MRPS9: variants seen among roughly 807,000 people sequenced by gnomAD.
MRPS9 encodes small ribosomal subunit protein uS9m.
MRPS9 carries 45 observed loss-of-function variants against 59.9 expected under a neutral mutation model. That is an observed-to-expected ratio of 0.75 (90% CI 0.59 to 0.96). The LOEUF (loss-of-function observed/expected upper bound fraction) is 0.96. Among genes scored for constraint, MRPS9 ranks in the 40% least tolerant of loss-of-function variants. MRPS9 has a pLI of 0.00. For synonymous variants in MRPS9, 171 were observed against 166.8 expected (o/e 1.03, Z -0.19); for missense variants, 473 against 481.1 (o/e 0.98, Z 0.16).
At chr2:105,068,461 G>A (rs1032527776) in intron 2 of MRPS9, among the ~76,000 whole-genome samples, 1 of 152,060 alleles carries the variant, frequency 6.6e-6, no homozygotes, top group African/African-American at 2.4e-5. Context: ...TTATTTTGTT[G>A]TTGTTATTTG....
At chr2:105,063,946 T>G (rs988455578) in intron 2 of MRPS9, among the ~76,000 whole-genome samples, 1 of 152,136 alleles carries the variant, frequency 6.6e-6, no homozygotes, top group Non-Finnish European at 1.5e-5. Context: ...AATCAAAGAT[T>G]TGGCAACAGC....
chr2:105,094,957 C>T (rs1680627786), intron 9 of MRPS9, among the ~76,000 whole-genome samples: 1 of 152,178 alleles, frequency 6.6e-6, no homozygotes, highest in Non-Finnish European at 1.5e-5. Flanking sequence ...CTAAGGACAT[C>T]TATGTCTCCA....
intron 4 of MRPS9, 52 bp from the exon 5 acceptor site, chr2:105,079,931 G>A: frequency 7.6e-7 from 1 of 1,308,260 alleles, no homozygotes; most frequent in South Asian, 1.3e-5. Context: ...CAGCTATTTG[G>A]TCTGTCTCTG....
chr2:105,062,866 T>A (rs527743019), intron 2 of MRPS9, among the ~76,000 whole-genome samples: 2 of 152,356 alleles, frequency 1.3e-5, no homozygotes, highest in South Asian at 4.1e-4. Context: ...GAAGTTCTAC[T>A]GGACATGTTA....
In MRPS9 at chr2:105,089,905, G is replaced by A. The variant is rs1680523489; in HGVS notation, c.576-15G>A. The A allele has an allele frequency of 1.3e-6, 2 of 1,566,752 alleles. No individual in the cohort carries two copies. Among genetic ancestry groups the A allele is most frequent in the African/African-American group, 1.4e-5 (1 of 73,612 alleles). ...ATGGCTAATTAAAAAGAGAATATATGTGATATTTTAACAGAGACGTGATTG... is the reference window on the plus strand; with the variant it reads ...ATGGCTAATTAAAAAGAGAATATATATGATATTTTAACAGAGACGTGATTG... On this transcript the variant is annotated splice_polypyrimidine_tract_variant and intron_variant, in intron 6 of 10. Transcript: ENST00000258455.
chr2:105,080,743 T>C (rs1680313178), intron 5 of MRPS9, among the ~76,000 whole-genome samples: 1 of 152,238 alleles, frequency 6.6e-6, no homozygotes, highest in African/African-American at 2.4e-5. Flanking sequence ...TATGATTTTT[T>C]AAAGTTTCAA....
chr2:105,055,477 G>A (rs1679774593), intron 2 of MRPS9, among the ~76,000 whole-genome samples: 1 of 28,008 alleles, frequency 3.6e-5, no homozygotes, highest in Admixed American at 4.8e-4. Flanking sequence ...TAAATATAGC[G>A]GGCCCCTTTT....
chr2:105,080,285 C>T (rs1301851007), intron 5 of MRPS9, among the ~76,000 whole-genome samples: 1 of 152,006 alleles, frequency 6.6e-6, no homozygotes, highest in East Asian at 1.9e-4. Context: ...CTTTAAAATG[C>T]TTTTACTTAG....
At chr2:105,096,195 A>G (rs1383324170) in intron 9 of MRPS9, among the ~76,000 whole-genome samples, 2 of 151,784 alleles carry the variant, frequency 1.3e-5, no homozygotes, top group Non-Finnish European at 2.9e-5. Flanking sequence ...TGATTATTTT[A>G]CTAGTGTGGT....
chr2:105,075,059 C>T (rs1680181648), intron 4 of MRPS9, among the ~76,000 whole-genome samples: 1 of 152,162 alleles, frequency 6.6e-6, no homozygotes, highest in Non-Finnish European at 1.5e-5. Context: ...TGATGGGAGA[C>T]AGTGACAGAT....
rs58438490 is a variant in MRPS9 at position 105,084,247 on chromosome 2, A to AATAT, written c.489+4204_489+4207dup. Among the ~76,000 whole-genome samples, 1,234 of 139,564 alleles carry AATAT rather than the reference A, an allele frequency of 8.8e-3. 19 individuals carry two copies. The highest frequency in any genetic ancestry group is 0.028 in the East Asian group (117 of 4,164). 91.6% of individuals were successfully genotyped at this position (139,564 alleles called of 152,430 possible). A position where few individuals can be genotyped will look rare whatever the true frequency, so the allele number is the denominator to read the frequency against. ...TGGCCACAGATGAAATATATACCAA[A>AATAT]ATATATATATATATATATATATGTA... On this transcript the variant is annotated intron_variant, in intron 5 of 10. Coordinates refer to ENST00000258455, the MANE Select transcript of MRPS9 (RefSeq NM_182640.3).
chr2:105,090,934 A>C (rs1371330617), intron 7 of MRPS9, among the ~76,000 whole-genome samples: 1 of 152,212 alleles, frequency 6.6e-6, no homozygotes, highest in Non-Finnish European at 1.5e-5. Context: ...AAAGTGTCAG[A>C]CAATTGGTTA....
intron 5 of MRPS9, among the ~76,000 whole-genome samples, chr2:105,083,607 A>G (rs111448374): frequency 6.6e-6 from 1 of 152,240 alleles, no homozygotes; most frequent in Non-Finnish European, 1.5e-5. Context: ...ACCCTTTTGT[A>G]AAACATGGCT....
At chr2:105,089,839 G>C (rs1680522079) in intron 6 of MRPS9, 81 bp from the exon 7 acceptor site, 1 of 862,366 alleles carries the variant, frequency 1.2e-6, no homozygotes, top group Non-Finnish European at 1.8e-6. Flanking sequence ...TCATAAAATT[G>C]CTACTATATG....
chr2:105,082,001 C>T (rs1455718379), intron 5 of MRPS9, among the ~76,000 whole-genome samples: 1 of 152,156 alleles, frequency 6.6e-6, no homozygotes. Flanking sequence ...CCTACAGAAG[C>T]GTTTTTGTAG....
chr2:105,081,350 A>G (rs1282749723), intron 5 of MRPS9, among the ~76,000 whole-genome samples: 1 of 152,224 alleles, frequency 6.6e-6, no homozygotes, highest in Non-Finnish European at 1.5e-5. Context: ...AGCTGTGGAA[A>G]ATCTGTGCCT....
chr2:105,076,395 T>G (rs1246063470), intron 4 of MRPS9, among the ~76,000 whole-genome samples: 2 of 152,236 alleles, frequency 1.3e-5, no homozygotes, highest in Non-Finnish European at 2.9e-5. Flanking sequence ...GCAAATGAAT[T>G]GCAATCTTTC....
intron 2 of MRPS9, among the ~76,000 whole-genome samples, chr2:105,052,207 G>A (rs1429533921): frequency 1.3e-5 from 2 of 152,106 alleles, no homozygotes; most frequent in African/African-American, 4.8e-5. Context: ...CTGATCTTGG[G>A]GGAAAGCATT....
At chr2:105,065,034 T>C (rs1029586928) in intron 2 of MRPS9, among the ~76,000 whole-genome samples, 5 of 152,242 alleles carry the variant, frequency 3.3e-5, no homozygotes, top group South Asian at 4.1e-4. Context: ...TTTGAGACTA[T>C]GTATACATCT....
Sources: gnomAD v4.1 joint callset for allele counts (sites outside exome capture counted in the v4.1 genomes callset) on GRCh38, gnomAD v4.1.1 for gene constraint, MANE v1.5 for transcripts, NCBI Gene and HGNC (gene_info 2026-07-23, HGNC 2026-07-21) for gene names.